Variants in STT3B observed in about 807,000 individuals in gnomAD.
STT3B encodes the protein STT3 oligosaccharyltransferase complex catalytic subunit B, also known as dolichyl-diphosphooligosaccharide--protein glycosyltransferase subunit STT3B.
A neutral mutation model predicts 96.8 loss-of-function variants in STT3B; 29 were observed. The observed-to-expected ratio is 0.30, with a 90% CI of 0.22 to 0.41. STT3B has a LOEUF of 0.41. Among genes scored for constraint, STT3B ranks in the 10% least tolerant of loss-of-function variants. The pLI is 1.00. For synonymous variants in STT3B, 367 were observed against 360.0 expected (o/e 1.02, Z -0.22); for missense variants, 640 against 1,022.3 (o/e 0.63, Z 5.10).
chr3:31,597,295 G>GA (rs1389611633), intron 4 of STT3B, among the ~76,000 whole-genome samples: 2 of 152,016 alleles, frequency 1.3e-5, no homozygotes, highest in African/African-American at 4.8e-5. Flanking sequence ...GAGTAGCTGG[G>GA]ATTACAGGCG....
chr3:31,625,162 G>A, intron 12 of STT3B, 77 bp downstream of exon 12: 1 of 1,291,244 alleles, frequency 7.7e-7, no homozygotes, highest in Non-Finnish European at 1.1e-6. Flanking sequence ...TGACTAAATA[G>A]GAAAAATGTG....
chr3:31,608,919 A>G (rs1314716818), intron 5 of STT3B, among the ~76,000 whole-genome samples: 1 of 152,184 alleles, frequency 6.6e-6, no homozygotes, highest in Admixed American at 6.5e-5. Context: ...GATCGAGACC[A>G]TCCTGGCCAA....
At chr3:31,625,108 G>C in intron 12 of STT3B, 23 bp downstream of exon 12, 1 of 1,595,738 alleles carries the variant, frequency 6.3e-7, no homozygotes, top group South Asian at 1.1e-5. Flanking sequence ...TAAATACAAG[G>C]TTAAAAAATC....
At chr3:31,607,000 A>G (rs1699068141) in intron 5 of STT3B, among the ~76,000 whole-genome samples, 1 of 152,142 alleles carries the variant, frequency 6.6e-6, no homozygotes, top group Non-Finnish European at 1.5e-5. Flanking sequence ...TTGGAGCTTT[A>G]AGATTTGACT....
At chr3:31,587,600 AT>A (rs764624021) in intron 3 of STT3B, among the ~76,000 whole-genome samples, 62 of 152,030 alleles carry the variant, frequency 4.1e-4, no homozygotes, top group African/African-American at 1.4e-3. Context: ...TAAATACTTT[AT>A]TTTTTTATTG....
At chr3:31,576,039 T>G (rs571614984) in intron 1 of STT3B, among the ~76,000 whole-genome samples, 18 of 152,246 alleles carry the variant, frequency 1.2e-4, no homozygotes, top group Admixed American at 1.0e-3. Context: ...GGTTGCAGGA[T>G]TTTGGGCAAT....
intron 1 of STT3B, among the ~76,000 whole-genome samples, chr3:31,535,693 A>T (rs1213078627): frequency 6.6e-6 from 1 of 152,238 alleles, no homozygotes; most frequent in African/African-American, 2.4e-5. Context: ...ACTGCACTCC[A>T]GCCTGGGCAA....
intron 1 of STT3B, among the ~76,000 whole-genome samples, chr3:31,545,604 G>C (rs1697386693): frequency 6.6e-6 from 1 of 151,940 alleles, no homozygotes; most frequent in African/African-American, 2.4e-5. Flanking sequence ...TTTACATCTG[G>C]CTGTGTTTCT....
intron 3 of STT3B, among the ~76,000 whole-genome samples, chr3:31,595,368 T>G (rs1301689689): frequency 2.6e-5 from 4 of 152,224 alleles, no homozygotes; most frequent in African/African-American, 7.2e-5. Context: ...TCTTTTCAGT[T>G]CCTTCTGAGT....
intron 1 of STT3B, among the ~76,000 whole-genome samples, chr3:31,575,137 T>G (rs1320612779): frequency 6.6e-6 from 1 of 152,094 alleles, no homozygotes; most frequent in Non-Finnish European, 1.5e-5. Flanking sequence ...TAGGTACTGT[T>G]GTTAATCCCT....
intron 1 of STT3B, among the ~76,000 whole-genome samples, chr3:31,575,123 A>G (rs565772364): frequency 5.9e-5 from 9 of 152,232 alleles, no homozygotes; most frequent in African/African-American, 1.9e-4. Flanking sequence ...CACTAGTACT[A>G]TCATAGGTAC....
In STT3B at chr3:31,637,075, T is replaced by C. The variant is rs908260801; in HGVS notation, c.*1011T>C. 3 of 152,216 alleles carry C rather than the reference T, an allele frequency of 2.0e-5. No homozygotes were observed. The highest frequency in any genetic ancestry group is 4.8e-5 in the African/African-American group (2 of 41,462). 9.4% of individuals were successfully genotyped at this position (152,216 alleles called of 1,614,324 possible). On this transcript the variant is annotated 3_prime_UTR_variant, in exon 16 of 16. Coordinates refer to ENST00000295770, the MANE Select transcript of STT3B (RefSeq NM_178862.3). ...ATCCCTTAAGCATTTGATGAAACAC[T>C]CTTTAGTGCTATATGCATTTTCTTA...
chr3:31,550,267 A>T (rs1291008136), intron 1 of STT3B, among the ~76,000 whole-genome samples: 4 of 152,198 alleles, frequency 2.6e-5, no homozygotes, highest in Admixed American at 2.6e-4. Context: ...CATGCATCTG[A>T]CTTTAAATTG....
intron 1 of STT3B, among the ~76,000 whole-genome samples, chr3:31,569,724 T>G (rs1031808033): frequency 1.3e-5 from 2 of 152,128 alleles, no homozygotes; most frequent in African/African-American, 2.4e-5. Context: ...TCTTTTATTT[T>G]TATTTTGGTG....
In STT3B at chr3:31,580,821, A is replaced by G. The variant is rs1430380076; in HGVS notation, c.711+725A>G. Among the ~76,000 whole-genome samples, 5 of 152,080 alleles carry G rather than the reference A, an allele frequency of 3.3e-5. No individual in the cohort carries two copies. The South Asian group carries it at 1.0e-3, about 32-fold the overall frequency. On this transcript the variant is annotated intron_variant, in intron 3 of 15. Transcript: ENST00000295770. The stretch of plus-strand genomic sequence containing the variant: ...GTCTTAATCTTGAGTTTAAAAGAGA[A>G]GAAAGAAAAATACCCATTCAAGTGA...
chr3:31,599,060 C>T (rs542747172), intron 4 of STT3B, among the ~76,000 whole-genome samples: 11 of 152,266 alleles, frequency 7.2e-5, no homozygotes, highest in African/African-American at 2.2e-4. Context: ...CCGCCTGCCT[C>T]GGCCTCCCAA....
In STT3B at chr3:31,637,092, A is replaced by G. The variant is rs1699766103; in HGVS notation, c.*1028A>G. ...TGAAACACTCTTTAGTGCTATATGC[A>G]TTTTCTTACTTTTGTTAAAAATGTG... On this transcript the variant is annotated 3_prime_UTR_variant, in exon 16 of 16. Coordinates refer to ENST00000295770, the MANE Select transcript of STT3B (RefSeq NM_178862.3). The G allele has an allele frequency of 1.3e-5, 2 of 152,158 alleles. No individual in the cohort carries two copies. Among genetic ancestry groups the G allele is most frequent in the Admixed American group, 1.3e-4 (2 of 15,280 alleles). 9.4% of individuals were successfully genotyped at this position (152,158 alleles called of 1,614,324 possible).
At chr3:31,571,436 A>G (rs753012666) in intron 1 of STT3B, among the ~76,000 whole-genome samples, 8 of 152,142 alleles carry the variant, frequency 5.3e-5, no homozygotes, top group Non-Finnish European at 8.8e-5. Context: ...AGTGCCTACT[A>G]CATTCACAAC....
chr3:31,550,266 G>C (rs1697519288), intron 1 of STT3B, among the ~76,000 whole-genome samples: 1 of 152,186 alleles, frequency 6.6e-6, no homozygotes, highest in South Asian at 2.1e-4. Context: ...ACATGCATCT[G>C]ACTTTAAATT....
Sources: gnomAD v4.1 joint callset for allele counts (sites outside exome capture counted in the v4.1 genomes callset) on GRCh38, gnomAD v4.1.1 for gene constraint, MANE v1.5 for transcripts, NCBI Gene and HGNC (gene_info 2026-07-23, HGNC 2026-07-21) for gene names.